Variants in SLC9A8 observed in about 807,000 individuals in gnomAD.
SLC9A8 encodes the protein sodium/hydrogen exchanger 8.
Under a neutral mutation model 66.6 loss-of-function variants are expected in SLC9A8, and 48 were observed. That is an observed-to-expected ratio of 0.72 (90% confidence interval 0.57 to 0.92). SLC9A8 has a LOEUF of 0.92. SLC9A8 is among the 40% of genes least tolerant of loss of function. The probability of loss-of-function intolerance (pLI) is 0.00; values close to 1 mark genes in which losing one functional copy is unlikely to be tolerated. For synonymous variants in SLC9A8, 274 were observed against 282.6 expected (o/e 0.97, Z 0.31); for missense variants, 599 against 747.3 (o/e 0.80, Z 2.31).
intron 7 of SLC9A8, among the ~76,000 whole-genome samples, chr20:49,854,745 A>C (rs1371132611): frequency 6.6e-6 from 1 of 152,208 alleles, no homozygotes; most frequent in African/African-American, 2.4e-5. Context: ...CAGTAGTAGC[A>C]GTCTCATACA....
intron 10 of SLC9A8, among the ~76,000 whole-genome samples, chr20:49,873,482 CAAAAAAAA>C (rs3092533): frequency 1.9e-5 from 2 of 103,110 alleles, no homozygotes; most frequent in Non-Finnish European, 1.9e-5. Flanking sequence ...ACCCTGTCTC[CAAAAAAAA>C]AAAAAAAAAA....
At position 49,883,815 on chromosome 20, in the gene SLC9A8, G is replaced by C. The variant is rs375336153; in HGVS notation, c.1271-31G>C. On this transcript the variant is annotated intron_variant, in intron 13 of 15. Coordinates refer to ENST00000361573, the MANE Select transcript of SLC9A8 (RefSeq NM_015266.3). ...CCCATGAAGCTGCTGCCTCTTCACT[G>C]TGTCCTCTCACACTGTTTGCTGTCA... The C allele has an allele frequency of 2.0e-5, 31 of 1,568,178 alleles. No homozygotes were observed. The African/African-American group carries it at 3.6e-4, about 18-fold the overall frequency.
chr20:49,851,038 T>C (rs1008847136), intron 7 of SLC9A8, among the ~76,000 whole-genome samples, 194 bp downstream of exon 7: 2 of 152,238 alleles, frequency 1.3e-5, no homozygotes, highest in Non-Finnish European at 2.9e-5. Context: ...CTAAAGACTT[T>C]TGAAGATCCC....
intron 4 of SLC9A8, among the ~76,000 whole-genome samples, chr20:49,843,488 A>G (rs1456445097): frequency 2.0e-5 from 3 of 152,166 alleles, no homozygotes; most frequent in Non-Finnish European, 2.9e-5. Flanking sequence ...TGGAATAGGC[A>G]TTTTGACAAA....
chr20:49,860,945 AAGG>A (rs1363510472), intron 8 of SLC9A8, among the ~76,000 whole-genome samples: 1 of 152,170 alleles, frequency 6.6e-6, no homozygotes, highest in African/African-American at 2.4e-5. Flanking sequence ...CCATGCTGTG[AAGG>A]AGAAGTCAAG....
intron 3 of SLC9A8, among the ~76,000 whole-genome samples, chr20:49,834,147 C>G (rs1366162294): frequency 7.7e-5 from 3 of 39,030 alleles, no homozygotes; most frequent in Non-Finnish European, 1.4e-4. Flanking sequence ...TTGTCTCTCT[C>G]TCTCTCTCTC....
Position 49,815,089 on chromosome 20 carries a change from G to A in SLC9A8, c.108G>A (p.Pro36=), listed in dbSNP as rs779477821. ...TLVVTTKLVL[P]TPGKPILPVQ... is the part of the protein sequence containing the mutation. ...TTGTCACGACGAAACTGGTGCTCCC[G>A]ACCCCTGGCAAGCCCATCCTCCCCG... The change falls in exon 2 of 16, where the codon CCG becomes CCA. Residue 36 remains proline (P), a synonymous_variant. Coordinates refer to ENST00000361573, the MANE Select transcript of SLC9A8 (RefSeq NM_015266.3). 1.7e-5 allele frequency: 27 copies of A among 1,608,282 alleles called. No homozygotes were observed. The highest frequency in any genetic ancestry group is 4.4e-5 in the South Asian group (4 of 89,902).
chr20:49,867,709 G>A (rs2089032554), intron 10 of SLC9A8, among the ~76,000 whole-genome samples: 1 of 151,946 alleles, frequency 6.6e-6, no homozygotes, highest in African/African-American at 2.4e-5. Context: ...CTTCCGGCAG[G>A]AATCACAGTC....
Position 49,887,880 on chromosome 20 carries a change from G to C in SLC9A8, c.1690G>C (p.Glu564Gln). 1 of 1,613,686 alleles carries C rather than the reference G, an allele frequency of 6.2e-7. No homozygotes were observed. Among genetic ancestry groups the C allele is most frequent in the Non-Finnish European group, 8.5e-7 (1 of 1,179,832 alleles). Residue 564 changes from glutamate to glutamine, a missense_variant, in exon 16 of 16, where the codon GAG becomes CAG. By Grantham distance (29) the Glu-to-Gln change is conservative. Coordinates refer to ENST00000361573, the MANE Select transcript of SLC9A8 (RefSeq NM_015266.3). ...QMKTLTNKWY[E>Q]EVRQGPSGSE... ...GAAAACTCTCACCAACAAGTGGTAC[G>C]AGGAGGTACGCCAGGGCCCCTCCGG...
chr20:49,876,882 AG>A (rs568736071), intron 11 of SLC9A8, among the ~76,000 whole-genome samples: 90 of 152,248 alleles, frequency 5.9e-4, no homozygotes, highest in Admixed American at 1.3e-3. Context: ...CAGAGAGAGA[AG>A]GGGGGGTAAA....
intron 5 of SLC9A8, among the ~76,000 whole-genome samples, chr20:49,846,585 TAAC>T (rs1268383222): frequency 2.6e-5 from 4 of 152,032 alleles, no homozygotes; most frequent in Non-Finnish European, 5.9e-5. Flanking sequence ...TTATTATTAA[TAAC>T]AATATTACCA....
At chr20:49,855,671 G>T in intron 8 of SLC9A8, 90 bp downstream of exon 8, 1 of 1,272,164 alleles carries the variant, frequency 7.9e-7, no homozygotes. Flanking sequence ...CACAGCATGT[G>T]TACAGTTGCT....
intron 3 of SLC9A8, among the ~76,000 whole-genome samples, chr20:49,827,710 A>G (rs2086969862): frequency 6.6e-6 from 1 of 152,056 alleles, no homozygotes; most frequent in Admixed American, 6.5e-5. Context: ...CCCAAAAATC[A>G]TGCTTTATTT....
At chr20:49,883,455 G>A (rs1489353936) in intron 13 of SLC9A8, among the ~76,000 whole-genome samples, 2 of 152,184 alleles carry the variant, frequency 1.3e-5, no homozygotes, top group Admixed American at 6.5e-5. Context: ...GAGGATTCCT[G>A]TGAAGATCCA....
intron 9 of SLC9A8, 23 bp from the exon 10 acceptor site, chr20:49,864,716 C>T (rs2088891810): frequency 1.3e-6 from 2 of 1,575,896 alleles, no homozygotes; most frequent in African/African-American, 1.3e-5. Flanking sequence ...CTCGATTCTC[C>T]TTCCTTGACA....
At chr20:49,838,881 G>A (rs1298668566) in intron 3 of SLC9A8, among the ~76,000 whole-genome samples, 1 of 152,134 alleles carries the variant, frequency 6.6e-6, no homozygotes, top group African/African-American at 2.4e-5. Flanking sequence ...GGTGATTCTG[G>A]TGAACCAACA....
At chr20:49,826,250 A>T (rs1345277674) in intron 3 of SLC9A8, among the ~76,000 whole-genome samples, 1 of 152,244 alleles carries the variant, frequency 6.6e-6, no homozygotes, top group Non-Finnish European at 1.5e-5. Context: ...TATCAAAGTA[A>T]TTCTGTATTT....
At chr20:49,819,034 A>G (rs946631126) in intron 2 of SLC9A8, among the ~76,000 whole-genome samples, 1 of 152,202 alleles carries the variant, frequency 6.6e-6, no homozygotes, top group African/African-American at 2.4e-5. Flanking sequence ...TTTGTTGAGA[A>G]GGGATGACAA....
chr20:49,830,137 CAAAG>C, intron 3 of SLC9A8: 1 of 747,228 alleles, frequency 1.3e-6, no homozygotes. Context: ...CAGGCAATCA[CAAAG>C]AAGTTGAAAA....
Sources: allele counts gnomAD v4.1 joint callset (sites outside exome capture counted in the v4.1 genomes callset), GRCh38; gene constraint gnomAD v4.1.1; transcripts MANE v1.5; gene names NCBI Gene and HGNC (gene_info 2026-07-23, HGNC 2026-07-21).